The following NAALADL2 variants were observed in gnomAD, a reference collection of about 807,000 sequenced individuals.
NAALADL2 encodes the protein inactive N-acetylated-alpha-linked acidic dipeptidase-like protein 2.
A neutral mutation model predicts 87.2 loss-of-function variants in NAALADL2; 76 were observed. The observed-to-expected ratio is 0.87, with a 90% CI of 0.72 to 1.05. NAALADL2 has a LOEUF of 1.05. Ranked by LOEUF, NAALADL2 falls within the 50% of genes least tolerant of loss-of-function variation. NAALADL2 has a pLI of 0.00. For synonymous variants in NAALADL2, 354 were observed against 331.0 expected, an observed-to-expected ratio of 1.07 and a Z score of -0.75; for missense variants, 1,089 against 945.8, an observed-to-expected ratio of 1.15 and a Z score of -1.99.
At chr3:175,477,684 T>C (rs1725893150) in intron 9 of NAALADL2, among the ~76,000 whole-genome samples, 1 of 152,130 alleles carries the variant, frequency 6.6e-6, no homozygotes, top group African/African-American at 2.4e-5. Flanking sequence ...TGCATATACA[T>C]GTAGTTACAA....
intron 11 of NAALADL2, among the ~76,000 whole-genome samples, chr3:175,636,799 T>G (rs1273816868): frequency 6.6e-6 from 1 of 152,142 alleles, no homozygotes; most frequent in East Asian, 1.9e-4. Context: ...GTATATTAGC[T>G]GATACGCAAC....
At position 174,774,765 on chromosome 3, in the gene NAALADL2, T is replaced by C. The variant is rs139282254; in HGVS notation, c.-9+37019T>C. On this transcript the variant is annotated intron_variant, in intron 3 of 3. Transcript: ENST00000434257. ...ACAAATACAGTAGATTCTGAACATC[T>C]TCAGCTATTTTAATCACAAAAGTAA... Among the ~76,000 whole-genome samples the C allele has an allele frequency of 6.2e-3, 951 of 152,322 alleles. 8 individuals are homozygous for C. Among genetic ancestry groups the C allele is most frequent in the Middle Eastern group, 0.027 (8 of 294 alleles).
At chr3:175,261,767 A>G (rs1751089136) in intron 4 of NAALADL2, among the ~76,000 whole-genome samples, 1 of 152,082 alleles carries the variant, frequency 6.6e-6, no homozygotes, top group African/African-American at 2.4e-5. Flanking sequence ...TATTCATCAG[A>G]TAAGATTTAT....
upstream of NAALADL2, among the ~76,000 whole-genome samples, chr3:174,857,283 G>A (rs1469714045): frequency 2.6e-5 from 4 of 152,114 alleles, no homozygotes; most frequent in African/African-American, 9.7e-5. Context: ...GTGTGCACAT[G>A]GCACTTTATT....
intron 3 of NAALADL2, among the ~76,000 whole-genome samples, chr3:174,798,554 A>G (rs1437882103): frequency 2.6e-5 from 4 of 152,192 alleles, no homozygotes; most frequent in Non-Finnish European, 5.9e-5. Flanking sequence ...GAGACTTGTG[A>G]TCAATAAACA....
chr3:174,449,410 A>G (rs1201008991), intron 1 of NAALADL2, among the ~76,000 whole-genome samples: 1 of 152,264 alleles, frequency 6.6e-6, no homozygotes, highest in Non-Finnish European at 1.5e-5. Context: ...ATTTAATTTT[A>G]TAGGTGTTAA....
At chr3:175,342,721 T>G (rs572751314) in intron 5 of NAALADL2, among the ~76,000 whole-genome samples, 1 of 152,236 alleles carries the variant, frequency 6.6e-6, no homozygotes, top group African/African-American at 2.4e-5. Flanking sequence ...ATGCTTTCCA[T>G]TATTTTTATT....
intron 1 of NAALADL2, among the ~76,000 whole-genome samples, chr3:174,520,087 A>T (rs1001970133): frequency 1.1e-4 from 16 of 152,230 alleles, no homozygotes; most frequent in African/African-American, 3.6e-4. Context: ...ATGAAAAAAC[A>T]TTCCTTGCTC....
chr3:175,375,279 CA>C (rs1581639356), intron 5 of NAALADL2, among the ~76,000 whole-genome samples: 2 of 151,996 alleles, frequency 1.3e-5, no homozygotes, highest in East Asian at 3.9e-4. Flanking sequence ...CCTTGAATTT[CA>C]ATATAAATTT....
chr3:174,856,372 C>T (rs1725867468), upstream of NAALADL2, among the ~76,000 whole-genome samples: 1 of 152,034 alleles, frequency 6.6e-6, no homozygotes, highest in Admixed American at 6.6e-5. Context: ...AATTTGTTAT[C>T]AATGATCATC....
intron 1 of NAALADL2, among the ~76,000 whole-genome samples, chr3:175,091,936 C>G (rs1720209882): frequency 1.3e-5 from 2 of 151,898 alleles, no homozygotes; most frequent in Admixed American, 1.3e-4. Flanking sequence ...GTTATTAAAG[C>G]CTGAGGTCTC....
chr3:175,018,393 A>T (rs1560482245), intron 1 of NAALADL2, among the ~76,000 whole-genome samples: 1 of 152,058 alleles, frequency 6.6e-6, no homozygotes, highest in African/African-American at 2.4e-5. Flanking sequence ...TGGCTTAAGA[A>T]TTCTATTATT....
intron 3 of NAALADL2, among the ~76,000 whole-genome samples, chr3:174,839,049 G>C (rs1444862886): frequency 6.6e-6 from 1 of 152,092 alleles, no homozygotes; most frequent in Non-Finnish European, 1.5e-5. Flanking sequence ...GCAAGACTAA[G>C]CAAAAAGAAG....
Position 175,135,071 on chromosome 3 carries a change from T to C in NAALADL2, c.545+37780T>C, listed in dbSNP as rs140975620. Among the ~76,000 whole-genome samples, 615 of 152,286 alleles carry C rather than the reference T, an allele frequency of 4.0e-3. 11 individuals are homozygous for C. The East Asian group carries it at 0.042, about 10-fold the overall frequency. On this transcript the variant is annotated intron_variant, in intron 2 of 13. Coordinates refer to ENST00000454872, the MANE Select transcript of NAALADL2 (RefSeq NM_207015.3). ...CCTTATGTTGTCTATAGCTCTTTAT[T>C]AACAAATAGATGGCTCCTGTCTGCT...
chr3:175,713,306 T>C (rs1332094858), intron 11 of NAALADL2, among the ~76,000 whole-genome samples: 1 of 152,150 alleles, frequency 6.6e-6, no homozygotes, highest in Non-Finnish European at 1.5e-5. Context: ...CAGTTATTTT[T>C]TCATCAACAG....
intron 2 of NAALADL2, among the ~76,000 whole-genome samples, chr3:174,649,822 T>G (rs1327132601): frequency 6.6e-6 from 1 of 152,182 alleles, no homozygotes; most frequent in Non-Finnish European, 1.5e-5. Flanking sequence ...TTCCTATTTC[T>G]TATATCTCTT....
intron 2 of NAALADL2, among the ~76,000 whole-genome samples, chr3:175,206,892 C>G (rs1271169873): frequency 6.6e-6 from 1 of 151,988 alleles, no homozygotes; most frequent in Non-Finnish European, 1.5e-5. Context: ...TAAAGCTACT[C>G]AGGTCTTTAA....
At chr3:175,530,649 C>T (rs114028304) in intron 9 of NAALADL2, among the ~76,000 whole-genome samples, 1,971 of 152,300 alleles carry the variant, frequency 0.013, 31 homozygotes, top group African/African-American at 0.044. Context: ...ATGAGGCTTG[C>T]AGTGCAGGCT....
chr3:175,163,404 G>A (rs1733524171), intron 2 of NAALADL2, among the ~76,000 whole-genome samples: 1 of 151,986 alleles, frequency 6.6e-6, no homozygotes, highest in African/African-American at 2.4e-5. Context: ...TGCAAATGTA[G>A]TTGCTGATTT....
Sources: allele counts gnomAD v4.1 joint callset (sites outside exome capture counted in the v4.1 genomes callset), GRCh38; gene constraint gnomAD v4.1.1; transcripts MANE v1.5; gene names NCBI Gene and HGNC (gene_info 2026-07-23, HGNC 2026-07-21).